Variants in MAGI2 observed in about 807,000 individuals in gnomAD.
MAGI2 encodes the protein membrane associated guanylate kinase, WW and PDZ domain containing 2, also known as membrane-associated guanylate kinase, WW and PDZ domain-containing protein 2.
A neutral mutation model predicts 133.3 loss-of-function variants in MAGI2; 35 were observed. The ratio of observed to expected loss-of-function variants is 0.26; its 90% CI spans 0.20 to 0.35. The LOEUF (loss-of-function observed/expected upper bound fraction) is 0.35, where lower values mean the gene tolerates loss of function less well. Ranked by LOEUF, MAGI2 falls within the 10% of genes least tolerant of loss-of-function variation. The probability of loss-of-function intolerance (pLI) is 1.00; values close to 1 mark genes in which losing one functional copy is unlikely to be tolerated. For missense variants in MAGI2, 1,636 were observed against 1,863.4 expected (o/e 0.88, Z 2.25); for synonymous variants, 729 against 710.6 (o/e 1.03, Z -0.41).
intron 9 of MAGI2, among the ~76,000 whole-genome samples, chr7:78,334,631 T>C (rs1584915528): frequency 6.6e-6 from 1 of 151,080 alleles, no homozygotes; most frequent in African/African-American, 2.4e-5. Context: ...GAGGGGGAGG[T>C]TAGGATGGAG....
At chr7:78,502,028 T>C (rs1239977733) in intron 4 of MAGI2, among the ~76,000 whole-genome samples, 1 of 152,194 alleles carries the variant, frequency 6.6e-6, no homozygotes, top group Non-Finnish European at 1.5e-5. Flanking sequence ...AAGGATGTAA[T>C]GTAAGGACCA....
chr7:78,478,915 A>G (rs1041240386), intron 6 of MAGI2, among the ~76,000 whole-genome samples: 1 of 152,020 alleles, frequency 6.6e-6, no homozygotes, highest in South Asian at 2.1e-4. Context: ...GGAAAGGGGG[A>G]GAGTAACTGG....
At chr7:78,522,337 T>C (rs1796575027) in intron 3 of MAGI2, among the ~76,000 whole-genome samples, 1 of 152,198 alleles carries the variant, frequency 6.6e-6, no homozygotes, top group African/African-American at 2.4e-5. Flanking sequence ...TATTAAAACC[T>C]AGCATATAAT....
chr7:78,521,924 C>T (rs1563118253), intron 3 of MAGI2, among the ~76,000 whole-genome samples: 1 of 152,000 alleles, frequency 6.6e-6, no homozygotes, highest in Non-Finnish European at 1.5e-5. Flanking sequence ...ATGTATTATT[C>T]CCAAGCGGTA....
At chr7:78,536,346 T>C (rs1433863901) in intron 3 of MAGI2, among the ~76,000 whole-genome samples, 1 of 151,594 alleles carries the variant, frequency 6.6e-6, no homozygotes, top group Non-Finnish European at 1.5e-5. Flanking sequence ...TCTCCTGACC[T>C]CGTGATCCGC....
chr7:79,091,639 C>G (rs1171939034), intron 1 of MAGI2, among the ~76,000 whole-genome samples: 1 of 151,430 alleles, frequency 6.6e-6, no homozygotes, highest in Non-Finnish European at 1.5e-5. Flanking sequence ...ATCCTGTAAA[C>G]TAGAGGTAGG....
chr7:78,795,595 T>C (rs148461232), intron 2 of MAGI2, among the ~76,000 whole-genome samples: 1 of 152,164 alleles, frequency 6.6e-6, no homozygotes, highest in East Asian at 1.9e-4. Context: ...TGAAATAATA[T>C]TATTAAAATT....
At chr7:78,324,160 CACTACACTACACACTACACT>C (rs1262022852) in intron 9 of MAGI2, among the ~76,000 whole-genome samples, 2 of 139,526 alleles carry the variant, frequency 1.4e-5, no homozygotes, top group East Asian at 2.0e-4. Flanking sequence ...CTACACACTA[CACTACACTACACACTACACT>C]ACACTACACT....
intron 1 of MAGI2, among the ~76,000 whole-genome samples, chr7:79,225,281 C>G (rs1000124052): frequency 6.6e-6 from 1 of 152,102 alleles, no homozygotes; most frequent in Non-Finnish European, 1.5e-5. Flanking sequence ...TTTTTACATC[C>G]GAAAACACTC....
chr7:78,633,771 T>A (rs1461581854), intron 2 of MAGI2, among the ~76,000 whole-genome samples: 1 of 151,844 alleles, frequency 6.6e-6, no homozygotes, highest in African/African-American at 2.4e-5. Flanking sequence ...ATAAAAAGGT[T>A]CTTAGATTAA....
intron 9 of MAGI2, among the ~76,000 whole-genome samples, chr7:78,339,894 C>T (rs1164186815): frequency 6.6e-6 from 1 of 152,144 alleles, no homozygotes; most frequent in Non-Finnish European, 1.5e-5. Context: ...CATTATTACT[C>T]ACAAATGAGT....
intron 2 of MAGI2, among the ~76,000 whole-genome samples, chr7:78,785,450 G>A (rs1826738259): frequency 6.6e-6 from 1 of 152,166 alleles, no homozygotes; most frequent in Non-Finnish European, 1.5e-5. Context: ...GCTGTTAAAA[G>A]CTTTGTAAAA....
chr7:78,701,782 CT>C (rs1818102514), intron 2 of MAGI2, among the ~76,000 whole-genome samples: 1 of 151,974 alleles, frequency 6.6e-6, no homozygotes, highest in Non-Finnish European at 1.5e-5. Flanking sequence ...CTCCCAAACA[CT>C]TCCAGTTAAA....
chr7:78,296,245 C>T (rs1797225477), intron 9 of MAGI2, among the ~76,000 whole-genome samples: 1 of 152,164 alleles, frequency 6.6e-6, no homozygotes, highest in African/African-American at 2.4e-5. Flanking sequence ...TTACTGTGTT[C>T]TATGAGGTCC....
At chr7:78,920,407 T>A (rs1307721875) in intron 2 of MAGI2, among the ~76,000 whole-genome samples, 1 of 152,206 alleles carries the variant, frequency 6.6e-6, no homozygotes, top group Non-Finnish European at 1.5e-5. Flanking sequence ...CAACATTTAT[T>A]GTTTTTAGTT....
At chr7:78,202,297 T>C (rs1396929479) in intron 10 of MAGI2, among the ~76,000 whole-genome samples, 4 of 152,208 alleles carry the variant, frequency 2.6e-5, no homozygotes, top group Non-Finnish European at 5.9e-5. Flanking sequence ...CATAGTTACC[T>C]ACACACATTA....
chr7:78,660,654 A>C (rs6466333), intron 2 of MAGI2, among the ~76,000 whole-genome samples: 57,988 of 152,012 alleles, frequency 0.38, 11,201 homozygotes, highest in Admixed American at 0.41. Context: ...AAACCCGCTT[A>C]AGTAAAATGG....
At chr7:78,828,196 T>C (rs560963754) in intron 2 of MAGI2, among the ~76,000 whole-genome samples, 47 of 152,316 alleles carry the variant, frequency 3.1e-4, no homozygotes, top group African/African-American at 1.1e-3. Context: ...TCCCCGCCTC[T>C]TAAATGAGTT....
intron 9 of MAGI2, among the ~76,000 whole-genome samples, chr7:78,302,414 G>C (rs1797909158): frequency 1.3e-5 from 2 of 152,100 alleles, no homozygotes; most frequent in African/African-American, 4.8e-5. Flanking sequence ...TTCAAATTTG[G>C]ATCTCAATCT....
Sources: gnomAD v4.1 joint callset for allele counts (sites outside exome capture counted in the v4.1 genomes callset) on GRCh38, gnomAD v4.1.1 for gene constraint, MANE v1.5 for transcripts, NCBI Gene and HGNC (gene_info 2026-07-23, HGNC 2026-07-21) for gene names.